The following LRRFIP1 variants were observed in gnomAD, a reference collection of about 807,000 sequenced individuals.
The protein encoded by LRRFIP1 is leucine-rich repeat flightless-interacting protein 1.
LRRFIP1 carries 62 observed loss-of-function variants against 104.4 expected under a neutral mutation model. The ratio of observed to expected loss-of-function variants is 0.59; its 90% CI spans 0.48 to 0.73. LRRFIP1 has a LOEUF of 0.73. LRRFIP1 is among the 30% of genes least tolerant of loss of function. The probability of loss-of-function intolerance (pLI) is 0.00; values close to 1 mark genes in which losing one functional copy is unlikely to be tolerated. For missense variants in LRRFIP1, 796 were observed against 824.5 expected (o/e 0.97, Z 0.42); for synonymous variants, 300 against 299.0 (o/e 1.00, Z -0.03).
intron 1 of LRRFIP1, among the ~76,000 whole-genome samples, chr2:237,637,934 T>A (rs1452957416): frequency 6.6e-6 from 1 of 152,172 alleles, no homozygotes; most frequent in Non-Finnish European, 1.5e-5. Flanking sequence ...CTCATCGTGG[T>A]TTCCATGCTG....
In LRRFIP1 at chr2:237,733,800, G is replaced by A; in HGVS notation, c.471G>A (p.Arg157=). The change falls in exon 9 of 24, where the codon CGG becomes CGA. Residue 157 remains arginine (R), a synonymous_variant. Transcript: ENST00000308482. ...GRPSCLYSAA[R]PSGSYRASVL... The stretch of plus-strand genomic sequence containing the variant: ...CCTCCTGTCTGTACAGCGCTGCCCG[G>A]CCTTCGGGGAGTTACCGGGTGCGTG... The A allele has an allele frequency of 6.2e-7, 1 of 1,614,002 alleles. No homozygotes were observed. The highest frequency in any genetic ancestry group is 8.5e-7 in the Non-Finnish European group (1 of 1,179,876).
At chr2:237,641,650 G>T (rs1054757441) in intron 1 of LRRFIP1, among the ~76,000 whole-genome samples, 1 of 152,006 alleles carries the variant, frequency 6.6e-6, no homozygotes, top group Non-Finnish European at 1.5e-5. Context: ...GAACATGATA[G>T]TTAATAAATT....
intron 1 of LRRFIP1, among the ~76,000 whole-genome samples, chr2:237,653,851 A>G (rs1366784237): frequency 2.6e-5 from 4 of 152,234 alleles, no homozygotes; most frequent in Admixed American, 2.6e-4. Flanking sequence ...AAAAAAATCA[A>G]CTCAAAATGT....
chr2:237,737,132 C>T (rs897677165), intron 10 of LRRFIP1, among the ~76,000 whole-genome samples: 3 of 152,202 alleles, frequency 2.0e-5, no homozygotes, highest in African/African-American at 7.2e-5. Context: ...ATTGCCCCCG[C>T]GCAGCTCCTG....
intron 1 of LRRFIP1, among the ~76,000 whole-genome samples, chr2:237,689,349 C>A (rs1334622664): frequency 1.3e-5 from 2 of 152,164 alleles, no homozygotes; most frequent in Non-Finnish European, 2.9e-5. Context: ...GGTTCTGAGA[C>A]TTCCACCTCA....
chr2:237,751,759 G>A (rs2058656825), intron 14 of LRRFIP1, among the ~76,000 whole-genome samples: 1 of 152,200 alleles, frequency 6.6e-6, no homozygotes, highest in South Asian at 2.1e-4. Flanking sequence ...ACTAATTGAA[G>A]TAAAGACTGA....
intron 1 of LRRFIP1, among the ~76,000 whole-genome samples, chr2:237,639,991 C>G (rs2083682115): frequency 6.6e-6 from 1 of 151,996 alleles, no homozygotes; most frequent in South Asian, 2.1e-4. Context: ...TCAGGTTTCC[C>G]CTGCCACACT....
chr2:237,665,586 C>G (rs963704843), intron 1 of LRRFIP1, among the ~76,000 whole-genome samples: 3 of 152,270 alleles, frequency 2.0e-5, no homozygotes, highest in South Asian at 2.1e-4. Flanking sequence ...CCAAAAACAA[C>G]TACAAAAATA....
Position 237,780,395 on chromosome 2 carries a change from C to CT in LRRFIP1, c.*868dup, listed in dbSNP as rs1431361411. The CT allele has an allele frequency of 4.6e-5, 7 of 151,810 alleles. No homozygotes were observed. The highest frequency in any genetic ancestry group is 1.7e-4 in the African/African-American group (7 of 41,358). The allele number at this position is 151,810 out of a possible 1,614,324, so 9.4% of individuals were successfully genotyped here. On this transcript the variant is annotated 3_prime_UTR_variant, in exon 24 of 24. Coordinates refer to ENST00000308482, the MANE Select transcript of LRRFIP1 (RefSeq NM_001137550.2). Reference sequence around the variant, plus strand: ...AATGGTTCTGTATATTTTGGGTCATCTTTTTATTTTTTAAGAATATCAAGT... The same window carrying CT: ...AATGGTTCTGTATATTTTGGGTCATCTTTTTTATTTTTTAAGAATATCAAGT...
chr2:237,639,377 T>C (rs1427910355), intron 1 of LRRFIP1, among the ~76,000 whole-genome samples: 1 of 152,234 alleles, frequency 6.6e-6, no homozygotes, highest in Non-Finnish European at 1.5e-5. Context: ...GGGGACTTCT[T>C]ATAAGTTTGA....
intron 19 of LRRFIP1, among the ~76,000 whole-genome samples, chr2:237,760,761 G>A (rs537925713): frequency 1.6e-3 from 249 of 152,294 alleles, no homozygotes; most frequent in African/African-American, 5.5e-3. Context: ...GCAGGCGGCC[G>A]TGGTAGTGGG....
chr2:237,720,098 C>T lies in LRRFIP1; in HGVS notation c.294+531C>T, dbSNP rs555603280. Among the ~76,000 whole-genome samples, 7 of 152,008 alleles carry T rather than the reference C, an allele frequency of 4.6e-5. No individual in the cohort carries two copies. The South Asian group carries it at 1.0e-3, about 23-fold the overall frequency. The stretch of plus-strand genomic sequence containing the variant: ...AGTAGCTGGGACTACAGGCGCCTGC[C>T]GCCACACCTGACTAATTTTTGTATT... On this transcript the variant is annotated intron_variant, in intron 5 of 23. Transcript: ENST00000308482.
intron 1 of LRRFIP1, 47 bp downstream of exon 1, chr2:237,627,787 G>A (rs2081768720): frequency 4.5e-6 from 5 of 1,120,484 alleles, no homozygotes; most frequent in Admixed American, 4.6e-5. Flanking sequence ...CGGGCGCGGG[G>A]GCCGGACGGC....
At chr2:237,750,326 CTTTTTTT>C (rs928510240) in intron 13 of LRRFIP1, among the ~76,000 whole-genome samples, 2,222 of 60,854 alleles carry the variant, frequency 0.037, 44 homozygotes, top group East Asian at 0.13. Context: ...TTCTTTCTTT[CTTTTTTT>C]TTTTTTTTTT....
intron 1 of LRRFIP1, among the ~76,000 whole-genome samples, chr2:237,689,937 T>A (rs1338366052): frequency 6.6e-6 from 1 of 152,158 alleles, no homozygotes; most frequent in African/African-American, 2.4e-5. Flanking sequence ...GGCACTGTCA[T>A]TATCACCGGC....
At chr2:237,648,386 A>G (rs573329326) in intron 1 of LRRFIP1, among the ~76,000 whole-genome samples, 4 of 152,020 alleles carry the variant, frequency 2.6e-5, no homozygotes, top group South Asian at 2.1e-4. Context: ...GCACACATCA[A>G]AAGTGTTCTA....
chr2:237,695,692 G>A (rs1237909860), intron 1 of LRRFIP1, among the ~76,000 whole-genome samples: 4 of 151,956 alleles, frequency 2.6e-5, no homozygotes, highest in Non-Finnish European at 5.9e-5. Flanking sequence ...GTTAGACATG[G>A]GACAGGAGAA....
Position 237,756,161 on chromosome 2 carries a change from C to G in LRRFIP1, c.1105C>G (p.Leu369Val). 1 of 1,613,930 alleles carries G rather than the reference C, an allele frequency of 6.2e-7. No homozygotes were observed. The highest frequency in any genetic ancestry group is 8.5e-7 in the Non-Finnish European group (1 of 1,179,888). The change falls in exon 16 of 24, where the codon CTG (leucine) becomes GTG (valine). Residue 369 changes from leucine (L) to valine (V), a missense_variant. By Grantham distance (32) the Leu-to-Val change is conservative (BLOSUM62 1). Coordinates refer to ENST00000308482, the MANE Select transcript of LRRFIP1 (RefSeq NM_001137550.2). ...QFQFAEVKEALKQREEMLEEI... is the reference protein window; with the variant it reads ...QFQFAEVKEAVKQREEMLEEI... ...TCAGTTTGCTGAAGTCAAGGAGGCC[C>G]TGAAGCAAAGAGAGGAAATGCTCGA...
chr2:237,671,669 G>A (rs1034998712), intron 1 of LRRFIP1, among the ~76,000 whole-genome samples: 4 of 151,800 alleles, frequency 2.6e-5, no homozygotes, highest in Non-Finnish European at 5.9e-5. Flanking sequence ...CCTGCTCCCC[G>A]TGTCTGTGTC....
Sources: gnomAD v4.1 joint callset for allele counts (sites outside exome capture counted in the v4.1 genomes callset) on GRCh38, gnomAD v4.1.1 for gene constraint, MANE v1.5 for transcripts, NCBI Gene and HGNC (gene_info 2026-07-23, HGNC 2026-07-21) for gene names.